SREBF2: variants seen among roughly 807,000 people sequenced by gnomAD.
SREBF2 encodes sterol regulatory element binding transcription factor 2.
SREBF2 carries 55 observed loss-of-function variants against 113.1 expected under a neutral mutation model. That is an observed-to-expected ratio of 0.49 (90% CI 0.39 to 0.61). The LOEUF (loss-of-function observed/expected upper bound fraction) is 0.61, where lower values mean the gene tolerates loss of function less well. Ranked by LOEUF, SREBF2 falls within the 20% of genes least tolerant of loss-of-function variation. The pLI, the probability that SREBF2 is intolerant of heterozygous loss-of-function variation, is 0.00. For synonymous variants in SREBF2, 593 were observed against 605.7 expected, an observed-to-expected ratio of 0.98 and a Z score of 0.31; for missense variants, 1,349 against 1,487.4, an observed-to-expected ratio of 0.91 and a Z score of 1.53.
intron 1 of SREBF2, among the ~76,000 whole-genome samples, chr22:41,855,072 TA>T (rs1268954154): frequency 6.7e-6 from 1 of 149,750 alleles, no homozygotes; most frequent in Non-Finnish European, 1.5e-5. Flanking sequence ...TTTTAAAAGT[TA>T]AAAACATAGC....
intron 1 of SREBF2, among the ~76,000 whole-genome samples, chr22:41,837,389 C>G (rs1337206135): frequency 6.6e-6 from 1 of 151,454 alleles, no homozygotes; most frequent in Non-Finnish European, 1.5e-5. Context: ...GAAACCCCAT[C>G]TCTACTAAAA....
At chr22:41,840,503 C>T (rs1482249558) in intron 1 of SREBF2, among the ~76,000 whole-genome samples, 2 of 152,148 alleles carry the variant, frequency 1.3e-5, no homozygotes, top group African/African-American at 4.8e-5. Flanking sequence ...CAGTGGCTTC[C>T]TGAGAAAGAG....
intron 15 of SREBF2, chr22:41,900,109 A>G: frequency 6.9e-7 from 1 of 1,444,918 alleles, no homozygotes; most frequent in Non-Finnish European, 9.1e-7. Flanking sequence ...TCTGACTTCC[A>G]GCATTGAATG....
intron 1 of SREBF2, among the ~76,000 whole-genome samples, chr22:41,854,569 A>G (rs1448717350): frequency 6.7e-6 from 1 of 150,370 alleles, no homozygotes; most frequent in Admixed American, 6.6e-5. Flanking sequence ...AAACATCTTT[A>G]AGATTTATTT....
rs184278011 is a variant in SREBF2, at chr22:41,874,943, A to G, written c.1090-394A>G. Among the ~76,000 whole-genome samples the G allele has an allele frequency of 2.2e-3, 333 of 152,316 alleles. 2 individuals are homozygous for G. Among genetic ancestry groups the G allele is most frequent in the African/African-American group, 7.6e-3 (314 of 41,586 alleles). ...AAAAAAAAAAGATAACTGTCCAACA[A>G]TGCTGTGGTTGTTTTTTTCATTTGT... On this transcript the variant is annotated intron_variant, in intron 5 of 18. Coordinates refer to ENST00000361204, the MANE Select transcript of SREBF2 (RefSeq NM_004599.4).
At chr22:41,858,261 A>G (rs1349803825) in intron 1 of SREBF2, among the ~76,000 whole-genome samples, 1 of 152,192 alleles carries the variant, frequency 6.6e-6, no homozygotes, top group Non-Finnish European at 1.5e-5. Flanking sequence ...CAGCTCTAAT[A>G]TGAAAGATAA....
chr22:41,886,679 G>T (rs572507444), intron 11 of SREBF2, among the ~76,000 whole-genome samples: 2 of 152,186 alleles, frequency 1.3e-5, no homozygotes, highest in African/African-American at 4.8e-5. Context: ...TTCTGTCACT[G>T]GAGTTTAATC....
At chr22:41,856,516 A>T (rs1486955712) in intron 1 of SREBF2, among the ~76,000 whole-genome samples, 2 of 152,236 alleles carry the variant, frequency 1.3e-5, no homozygotes, top group African/African-American at 4.8e-5. Context: ...AGTCCCTGGT[A>T]AAAGTAATTT....
chr22:41,834,887 G>A (rs138247847), intron 1 of SREBF2, among the ~76,000 whole-genome samples: 29 of 152,322 alleles, frequency 1.9e-4, no homozygotes, highest in Non-Finnish European at 4.0e-4. Context: ...GTGTTAAACA[G>A]TTATACACGT....
At chr22:41,850,781 C>T (rs1325113203) in intron 1 of SREBF2, among the ~76,000 whole-genome samples, 1 of 152,172 alleles carries the variant, frequency 6.6e-6, no homozygotes, top group East Asian at 1.9e-4. Flanking sequence ...GCCTCTGTCC[C>T]CTGGGCTGGA....
At chr22:41,854,083 C>G (rs2076956044) in intron 1 of SREBF2, among the ~76,000 whole-genome samples, 1 of 151,092 alleles carries the variant, frequency 6.6e-6, no homozygotes, top group Non-Finnish European at 1.5e-5. Flanking sequence ...TTATAAGTTG[C>G]ATGAAAGTTG....
chr22:41,838,049 C>T (rs1234492466), intron 1 of SREBF2, among the ~76,000 whole-genome samples: 2 of 152,098 alleles, frequency 1.3e-5, no homozygotes, highest in Non-Finnish European at 2.9e-5. Flanking sequence ...TCTACCATTT[C>T]ATTTTGTGTT....
intron 16 of SREBF2, chr22:41,900,892 G>A (rs1457793338): frequency 7.6e-6 from 4 of 523,570 alleles, no homozygotes; most frequent in Non-Finnish European, 1.6e-5. Context: ...AAACAGAGCT[G>A]AAGACCACCC....
At position 41,880,843 on chromosome 22, in the gene SREBF2, A is replaced by AGCTACGCCT; in HGVS notation, c.1891_1899dup (p.Leu631_Leu633dup). On this transcript the variant is annotated inframe_insertion, in exon 10 of 19. Transcript: ENST00000361204. ...AACGTGATCCGCTACAGCCTGCAGA[A>AGCTACGCCT]GCTACGCCTGGTGCGCTGGCTGCTC... 6.2e-7 allele frequency: 1 copy of AGCTACGCCT among 1,614,126 alleles called. No individual in the cohort carries two copies.
chr22:41,860,558 G>T (rs1432816624), intron 1 of SREBF2, among the ~76,000 whole-genome samples: 1 of 152,194 alleles, frequency 6.6e-6, no homozygotes, highest in Non-Finnish European at 1.5e-5. Flanking sequence ...AAATAGAGAA[G>T]TGGGGGAACA....
chr22:41,853,920 A>G (rs1170224683), intron 1 of SREBF2, among the ~76,000 whole-genome samples: 2 of 151,620 alleles, frequency 1.3e-5, no homozygotes, highest in African/African-American at 4.8e-5. Flanking sequence ...CTGTAGTCCC[A>G]GCTACTCGGG....
At chr22:41,854,158 T>TTTTTTG (rs1797628825) in intron 1 of SREBF2, among the ~76,000 whole-genome samples, 2 of 151,972 alleles carry the variant, frequency 1.3e-5, no homozygotes, top group Non-Finnish European at 2.9e-5. Context: ...TGTTTTGTGT[T>TTTTTTG]TTTTTGTTTT....
intron 11 of SREBF2, 69 bp downstream of exon 11, chr22:41,885,080 G>A: frequency 1.3e-6 from 2 of 1,580,362 alleles, no homozygotes. Flanking sequence ...TTAAGATGCA[G>A]AAGCAGTTAT....
chr22:41,849,083 C>T (rs1190797419), intron 1 of SREBF2, among the ~76,000 whole-genome samples: 1 of 152,096 alleles, frequency 6.6e-6, no homozygotes, highest in African/African-American at 2.4e-5. Context: ...GTACTGAAAA[C>T]AGCAACAACA....
Sources: allele counts gnomAD v4.1 joint callset (sites outside exome capture counted in the v4.1 genomes callset), GRCh38; gene constraint gnomAD v4.1.1; transcripts MANE v1.5; gene names NCBI Gene and HGNC (gene_info 2026-07-23, HGNC 2026-07-21).